The following RUFY3 variants were observed in gnomAD, a reference collection of about 807,000 sequenced individuals.
RUFY3 encodes the protein protein RUFY3.
A neutral mutation model predicts 84.0 loss-of-function variants in RUFY3; 34 were observed. That is an observed-to-expected ratio of 0.40 (90% CI 0.31 to 0.54). The LOEUF is 0.54. RUFY3 is among the 20% of genes least tolerant of loss of function. The probability of loss-of-function intolerance (pLI) is 0.39; values close to 1 mark genes in which losing one functional copy is unlikely to be tolerated. For synonymous variants in RUFY3, 242 were observed against 252.9 expected, an observed-to-expected ratio of 0.96 and a Z score of 0.41; for missense variants, 507 against 736.8, an observed-to-expected ratio of 0.69 and a Z score of 3.61.
intron 10 of RUFY3, among the ~76,000 whole-genome samples, chr4:70,787,260 G>GT (rs1268063842): frequency 0.016 from 1,777 of 108,424 alleles, 55 homozygotes; most frequent in African/African-American, 0.052. Flanking sequence ...TTATTTATTT[G>GT]TTTTTTTTTT....
chr4:70,738,315 A>T, intron 1 of RUFY3, among the ~76,000 whole-genome samples: 1 of 139,228 alleles, frequency 7.2e-6, no homozygotes, highest in South Asian at 2.3e-4. Flanking sequence ...CTTATGTCAT[A>T]CTTATTTAGA....
rs1742371774 is a variant in RUFY3 at position 70,722,141 on chromosome 4, T to C, written c.-433T>C. Reference sequence around the variant, plus strand: ...ATTTTTTGTTCAGGTTTTTCTTTTATATTTTTTTTCTGCACAAAGGAGGAG... The same window carrying C: ...ATTTTTTGTTCAGGTTTTTCTTTTACATTTTTTTTCTGCACAAAGGAGGAG... On this transcript the variant is annotated 5_prime_UTR_variant, in exon 1 of 18. Coordinates refer to ENST00000381006, the MANE Select transcript of RUFY3 (RefSeq NM_001037442.4). The C allele has an allele frequency of 8.1e-7, 1 of 1,231,720 alleles. No homozygotes were observed. Among genetic ancestry groups the C allele is most frequent in the Admixed American group, 4.2e-5 (1 of 23,712 alleles). The allele number at this position is 1,231,720 out of a possible 1,614,324, so 76.3% of individuals were successfully genotyped here.
chr4:70,800,218 C>T lies in RUFY3; in HGVS notation c.1622+13C>T. On this transcript the variant is annotated intron_variant, in intron 15 of 17. Transcript: ENST00000381006. ...AAGAAAGCCACAGGTGTTTGTTAAT[C>T]AAGTATTAACTAAGATGTAAAGTTA... The T allele has an allele frequency of 6.3e-7, 1 of 1,586,828 alleles. No homozygotes were observed. Among genetic ancestry groups the T allele is most frequent in the Non-Finnish European group, 8.6e-7 (1 of 1,167,508 alleles).
chr4:70,785,493 T>C (rs1729634715), intron 10 of RUFY3, among the ~76,000 whole-genome samples: 1 of 152,088 alleles, frequency 6.6e-6, no homozygotes, highest in African/African-American at 2.4e-5. Context: ...GGTGAAAATA[T>C]AAATTAGTAT....
At chr4:70,758,740 A>AT (rs1245485931) in intron 1 of RUFY3, among the ~76,000 whole-genome samples, 2 of 137,052 alleles carry the variant, frequency 1.5e-5, no homozygotes, top group Non-Finnish European at 3.1e-5. Flanking sequence ...TTGAAAATAT[A>AT]AAAAAAAAAA....
chr4:70,796,344 T>C (rs1351989985), intron 14 of RUFY3, among the ~76,000 whole-genome samples: 3 of 152,264 alleles, frequency 2.0e-5, no homozygotes. Flanking sequence ...GCTTTTGCTT[T>C]GATTGCACCA....
rs1299344806 is a variant in RUFY3 at position 70,807,870 on chromosome 4, C to T, written c.*1211C>T. Among the ~76,000 whole-genome samples, 1 of 152,026 alleles carries T rather than the reference C, an allele frequency of 6.6e-6. No individual in the cohort carries two copies. Among genetic ancestry groups the T allele is most frequent in the Non-Finnish European group, 1.5e-5 (1 of 68,016 alleles). On this transcript the variant is annotated 3_prime_UTR_variant, in exon 18 of 18. Coordinates refer to ENST00000381006, the MANE Select transcript of RUFY3 (RefSeq NM_001037442.4). ...ACATTGTTTTTTGAATAAGGAATTC[C>T]TTATTCTGAGTGAGTCACGAATGAG...
In RUFY3 at chr4:70,798,935, G is replaced by A. The variant is rs1731872075; in HGVS notation, c.1558-1206G>A. The stretch of plus-strand genomic sequence containing the variant: ...GGAGGCCAAGGTGGGCAGACTACCT[G>A]GGTCGGGAGTTCAAGACCATCCTGG... On this transcript the variant is annotated intron_variant, in intron 14 of 17. Transcript: ENST00000381006. 2.0e-5 allele frequency among the ~76,000 whole-genome samples: 3 copies of A among 151,900 alleles called. No individual in the cohort carries two copies. The South Asian group carries it at 6.2e-4, about 32-fold the overall frequency.
intron 1 of RUFY3, among the ~76,000 whole-genome samples, chr4:70,727,854 T>C (rs192690484): frequency 1.8e-4 from 28 of 152,044 alleles, no homozygotes; most frequent in Non-Finnish European, 2.9e-4. Context: ...CATGTCCACA[T>C]ACGTGAAGGG....
At chr4:70,774,231 C>A (rs1578169284) in intron 6 of RUFY3, among the ~76,000 whole-genome samples, 1 of 152,002 alleles carries the variant, frequency 6.6e-6, no homozygotes, top group African/African-American at 2.4e-5. Context: ...GCTGAAAAAT[C>A]TGGCTGTTTA....
intron 12 of RUFY3, chr4:70,793,207 C>T: frequency 1.0e-6 from 1 of 986,094 alleles, no homozygotes; most frequent in Non-Finnish European, 1.2e-6. Flanking sequence ...AGGAAGGAGA[C>T]AGCCAAACTC....
chr4:70,803,172 A>G, intron 16 of RUFY3, 189 bp downstream of exon 16: 1 of 464,624 alleles, frequency 2.2e-6, no homozygotes, highest in East Asian at 3.3e-5. Flanking sequence ...TGAGCAGTTT[A>G]CTAAGTAAAC....
At chr4:70,735,232 C>T (rs74486726) in intron 1 of RUFY3, among the ~76,000 whole-genome samples, 1 of 152,106 alleles carries the variant, frequency 6.6e-6, no homozygotes, top group Non-Finnish European at 1.5e-5. Context: ...GGTGCCCCTC[C>T]TGAGGGGGAG....
In RUFY3 at chr4:70,753,504, G is replaced by A. The variant is rs191895638; in HGVS notation, c.179-9015G>A. ...TCATGGAATTATAATATGCTAGCTAGGAGAGTGATCTAGGCCAGTGCTTCT... is the reference window on the plus strand; with the variant it reads ...TCATGGAATTATAATATGCTAGCTAAGAGAGTGATCTAGGCCAGTGCTTCT... On this transcript the variant is annotated intron_variant, in intron 1 of 17. Transcript: ENST00000381006. Among the ~76,000 whole-genome samples, 5 of 152,284 alleles carry A rather than the reference G, an allele frequency of 3.3e-5. No homozygotes were observed. In the East Asian group the frequency reaches 5.8e-4, roughly 18 times the overall value.
At chr4:70,726,663 T>C (rs1718297268) in intron 1 of RUFY3, among the ~76,000 whole-genome samples, 3 of 152,352 alleles carry the variant, frequency 2.0e-5, no homozygotes, top group South Asian at 4.1e-4. Flanking sequence ...TGAGCCACCG[T>C]GCCCCGCCCA....
chr4:70,789,622 T>G (rs769337259), intron 12 of RUFY3, 30 bp downstream of exon 12: 1 of 1,606,022 alleles, frequency 6.2e-7, no homozygotes, highest in Non-Finnish European at 8.5e-7. Flanking sequence ...AATGAAACAC[T>G]TTGGATTGTC....
chr4:70,745,491 C>T (rs550011616), intron 1 of RUFY3, among the ~76,000 whole-genome samples: 4 of 152,202 alleles, frequency 2.6e-5, no homozygotes, highest in East Asian at 3.9e-4. Flanking sequence ...CAATAAATAT[C>T]GGATTTCTGT....
chr4:70,705,330 A>G, intron 1 of RUFY3: 1 of 1,312,206 alleles, frequency 7.6e-7, no homozygotes. Context: ...GCCCGCGGGG[A>G]AGGGAGCATT....
At chr4:70,766,527 G>A (rs1262589420) in intron 4 of RUFY3, among the ~76,000 whole-genome samples, 1 of 152,156 alleles carries the variant, frequency 6.6e-6, no homozygotes, top group Non-Finnish European at 1.5e-5. Context: ...TTACAGGCGT[G>A]AGCCACCGCA....
Sources: gnomAD v4.1 joint callset for allele counts (sites outside exome capture counted in the v4.1 genomes callset) on GRCh38, gnomAD v4.1.1 for gene constraint, MANE v1.5 for transcripts, NCBI Gene and HGNC (gene_info 2026-07-23, HGNC 2026-07-21) for gene names.